CHST11: variants seen among roughly 807,000 people sequenced by gnomAD.
The protein encoded by CHST11 is carbohydrate sulfotransferase 11, also known as C4S-1.
In CHST11, 9 loss-of-function variants were observed where a neutral mutation model predicts 30.4. The observed-to-expected ratio is 0.30, with a 90% CI of 0.18 to 0.52. The LOEUF is 0.52. Ranked by LOEUF, CHST11 falls within the 20% of genes least tolerant of loss-of-function variation. The probability of loss-of-function intolerance (pLI) is 0.97; values close to 1 mark genes in which losing one functional copy is unlikely to be tolerated. For synonymous variants in CHST11, 152 were observed against 187.8 expected, an observed-to-expected ratio of 0.81 and a Z score of 1.56; for missense variants, 348 against 460.6, an observed-to-expected ratio of 0.76 and a Z score of 2.24.
intron 1 of CHST11, among the ~76,000 whole-genome samples, chr12:104,500,790 T>C (rs1316574894): frequency 6.6e-6 from 1 of 152,212 alleles, no homozygotes; most frequent in African/African-American, 2.4e-5. Context: ...GCTTTAGCTT[T>C]CAGTGCATCT....
chr12:104,723,882 A>G (rs1026950198), intron 2 of CHST11, among the ~76,000 whole-genome samples: 3 of 152,232 alleles, frequency 2.0e-5, no homozygotes, highest in Non-Finnish European at 4.4e-5. Flanking sequence ...GACACAAGCT[A>G]TGTGGATGAG....
At chr12:104,642,225 A>G (rs541655278) in intron 2 of CHST11, among the ~76,000 whole-genome samples, 2 of 152,248 alleles carry the variant, frequency 1.3e-5, no homozygotes, top group Middle Eastern at 3.4e-3. Flanking sequence ...TATCCATACT[A>G]TGGGATCCTG....
chr12:104,674,492 C>T (rs556774197), intron 2 of CHST11, among the ~76,000 whole-genome samples: 1 of 152,292 alleles, frequency 6.6e-6, no homozygotes, highest in East Asian at 1.9e-4. Flanking sequence ...ACTTCTTGTC[C>T]AGTATCACCC....
chr12:104,633,910 T>G (rs966030923), intron 2 of CHST11, among the ~76,000 whole-genome samples: 1 of 152,156 alleles, frequency 6.6e-6, no homozygotes, highest in Non-Finnish European at 1.5e-5. Context: ...TCCCTCTGCC[T>G]GGAGCATCCT....
chr12:104,538,408 G>A (rs995005505), intron 1 of CHST11, among the ~76,000 whole-genome samples: 5 of 152,212 alleles, frequency 3.3e-5, no homozygotes, highest in South Asian at 2.1e-4. Flanking sequence ...CACTGTTGAT[G>A]TTGACCTTCG....
At chr12:104,734,589 T>C (rs312166) in intron 2 of CHST11, among the ~76,000 whole-genome samples, 74,304 of 151,934 alleles carry the variant, frequency 0.49, 18,417 homozygotes, top group East Asian at 0.65. Flanking sequence ...GCCTGTGATA[T>C]TCCAGTCCCA....
At chr12:104,677,466 CA>C (rs1306974660) in intron 2 of CHST11, among the ~76,000 whole-genome samples, 1 of 152,202 alleles carries the variant, frequency 6.6e-6, no homozygotes, top group Non-Finnish European at 1.5e-5. Context: ...CAGATCAAGG[CA>C]GTCTTTTGTG....
intron 2 of CHST11, among the ~76,000 whole-genome samples, chr12:104,684,769 G>A (rs572043757): frequency 2.2e-4 from 33 of 152,106 alleles, no homozygotes; most frequent in African/African-American, 6.7e-4. Flanking sequence ...GTCTAGTCTC[G>A]AACTCCTGAC....
chr12:104,661,984 G>A (rs1056420449), intron 2 of CHST11, among the ~76,000 whole-genome samples: 3 of 152,164 alleles, frequency 2.0e-5, no homozygotes, highest in Non-Finnish European at 4.4e-5. Flanking sequence ...CCTGAGCCTC[G>A]TTTCTCAGTC....
At chr12:104,474,605 G>A (rs2037540356) in intron 1 of CHST11, among the ~76,000 whole-genome samples, 1 of 152,232 alleles carries the variant, frequency 6.6e-6, no homozygotes, top group Admixed American at 6.5e-5. Context: ...GGATGTGCAG[G>A]ATGTTGTCAT....
chr12:104,584,379 C>G (rs2038781559), intron 1 of CHST11, among the ~76,000 whole-genome samples: 1 of 151,574 alleles, frequency 6.6e-6, no homozygotes, highest in African/African-American at 2.4e-5. Flanking sequence ...GCCTCAGCCT[C>G]CCCAGTAGCT....
intron 1 of CHST11, among the ~76,000 whole-genome samples, chr12:104,481,361 C>T (rs112996154): frequency 5.3e-5 from 8 of 152,298 alleles, no homozygotes; most frequent in African/African-American, 1.7e-4. Context: ...CCTTCAGGTC[C>T]CGTTTAATGT....
chr12:104,564,469 T>G (rs554528115), intron 1 of CHST11, among the ~76,000 whole-genome samples: 47 of 152,344 alleles, frequency 3.1e-4, no homozygotes, highest in African/African-American at 1.1e-3. Context: ...ATGGTGCTCT[T>G]GAGAGAATTA....
At chr12:104,728,587 G>A (rs312157) in intron 2 of CHST11, among the ~76,000 whole-genome samples, 87,685 of 152,056 alleles carry the variant, frequency 0.58, 26,156 homozygotes, top group East Asian at 0.98. Context: ...CCCTGTGGAA[G>A]GTGCCAGCTC....
At position 104,458,480 on chromosome 12, in the gene CHST11, C is replaced by T. The variant is rs2037377139; in HGVS notation, c.118+951C>T. Among the ~76,000 whole-genome samples, 2 of 152,120 alleles carry T rather than the reference C, an allele frequency of 1.3e-5. No individual in the cohort carries two copies. Among genetic ancestry groups the T allele is most frequent in the Non-Finnish European group, 1.5e-5 (1 of 68,022 alleles). ...CGAGGCTCGTCGCTTCCTAGGGGTG[C>T]GAGGGAAAGTTTGGGTTCTGGAGAG... is the stretch of plus-strand genomic sequence containing the variant. On this transcript the variant is annotated intron_variant, in intron 1 of 2. Coordinates refer to ENST00000303694, the MANE Select transcript of CHST11 (RefSeq NM_018413.6). This position sits in a 1 kb window ranked among gnomAD's most constrained non-coding sequence, Gnocchi z 5.7.
chr12:104,641,403 T>C (rs2039375758), intron 2 of CHST11, among the ~76,000 whole-genome samples: 1 of 152,194 alleles, frequency 6.6e-6, no homozygotes, highest in African/African-American at 2.4e-5. Flanking sequence ...CCCTAGATGC[T>C]GCCACAGGGT....
At chr12:104,583,452 T>G (rs1485046280) in intron 1 of CHST11, among the ~76,000 whole-genome samples, 2 of 152,014 alleles carry the variant, frequency 1.3e-5, no homozygotes, top group African/African-American at 4.8e-5. Context: ...CAGATGCAGC[T>G]CCAATGGCCT....
At position 104,458,981 on chromosome 12, in the gene CHST11, C is replaced by G. The variant is rs569863430; in HGVS notation, c.118+1452C>G. Among the ~76,000 whole-genome samples, 3 of 152,230 alleles carry G rather than the reference C, an allele frequency of 2.0e-5. No individual in the cohort carries two copies. Among genetic ancestry groups the G allele is most frequent in the Non-Finnish European group, 4.4e-5 (3 of 68,042 alleles). ...TTGACAGCGCAGGGACAGACGGCCC[C>G]TTTGCCCCACTCGGTCTGGAGCAGT... On this transcript the variant is annotated intron_variant, in intron 1 of 2. Transcript: ENST00000303694. This position sits in a 1 kb window ranked among gnomAD's most constrained non-coding sequence, Gnocchi z 5.7.
intron 2 of CHST11, among the ~76,000 whole-genome samples, chr12:104,632,153 G>A (rs35666240): frequency 0.052 from 7,918 of 152,108 alleles, 407 homozygotes; most frequent in African/African-American, 0.14. Flanking sequence ...CTGGGAACAC[G>A]AGACCTCCTG....
Sources: allele counts gnomAD v4.1 joint callset (sites outside exome capture counted in the v4.1 genomes callset), GRCh38; gene constraint gnomAD v4.1.1; non-coding constraint Gnocchi (gnomAD v3.1); transcripts MANE v1.5; gene names NCBI Gene and HGNC (gene_info 2026-07-23, HGNC 2026-07-21).